Variants in MAPK4 observed in about 807,000 individuals in gnomAD.
The protein encoded by MAPK4 is Erk3-related.
A neutral mutation model predicts 47.7 loss-of-function variants in MAPK4; 22 were observed. The observed-to-expected ratio is 0.46, with a 90% confidence interval of 0.33 to 0.66. MAPK4 has a LOEUF of 0.66. Ranked by LOEUF, MAPK4 falls within the 30% of genes least tolerant of loss-of-function variation. The probability of loss-of-function intolerance (pLI) is 0.02; values close to 1 mark genes in which losing one functional copy is unlikely to be tolerated. For missense variants in MAPK4, 736 were observed against 831.7 expected, an observed-to-expected ratio of 0.88 and a Z score of 1.42; for synonymous variants, 390 against 365.7, an observed-to-expected ratio of 1.07 and a Z score of -0.76.
At chr18:50,639,864 A>T (rs554069519) in intron 1 of MAPK4, among the ~76,000 whole-genome samples, 1 of 152,238 alleles carries the variant, frequency 6.6e-6, no homozygotes. Flanking sequence ...TGGGACAGGC[A>T]TCTATCTTGA....
intron 4 of MAPK4, among the ~76,000 whole-genome samples, chr18:50,725,759 C>G (rs974446595): frequency 6.6e-6 from 1 of 152,220 alleles, no homozygotes; most frequent in African/African-American, 2.4e-5. Flanking sequence ...CTGTTTAATT[C>G]ATTTACAAAA....
chr18:50,662,637 A>G (rs951070616), intron 1 of MAPK4, among the ~76,000 whole-genome samples: 1 of 152,258 alleles, frequency 6.6e-6, no homozygotes, highest in African/African-American at 2.4e-5. Context: ...AGACATTTGT[A>G]AAAGAAGGAA....
At position 50,672,525 on chromosome 18, in the gene MAPK4, C is replaced by T. The variant is rs939387476; in HGVS notation, c.546+8021C>T. Among the ~76,000 whole-genome samples, 7 of 152,144 alleles carry T rather than the reference C, an allele frequency of 4.6e-5. No homozygotes were observed. In the East Asian group the frequency reaches 7.7e-4, roughly 17 times the overall value. On this transcript the variant is annotated intron_variant, in intron 2 of 5. Transcript: ENST00000400384. ...GTTCAGTGCCTCCCTGTCCCCTTCCCATGGCAGAAGAGGATCCCGAGAAGA... is the reference window on the plus strand; with the variant it reads ...GTTCAGTGCCTCCCTGTCCCCTTCCTATGGCAGAAGAGGATCCCGAGAAGA...
At chr18:50,590,877 A>G (rs564162451) in intron 1 of MAPK4, among the ~76,000 whole-genome samples, 1 of 152,206 alleles carries the variant, frequency 6.6e-6, no homozygotes, top group Non-Finnish European at 1.5e-5. Flanking sequence ...AGAGCTCAGC[A>G]TATCATAGGC....
At chr18:50,665,210 T>C (rs1210990644) in intron 2 of MAPK4, among the ~76,000 whole-genome samples, 2 of 152,164 alleles carry the variant, frequency 1.3e-5, no homozygotes, top group African/African-American at 4.8e-5. Context: ...TGGAGACAAA[T>C]GTCACACTGA....
intron 2 of MAPK4, among the ~76,000 whole-genome samples, chr18:50,700,608 C>G (rs977577116): frequency 2.0e-5 from 3 of 152,206 alleles, no homozygotes; most frequent in Non-Finnish European, 4.4e-5. Context: ...GTGAAGCAGG[C>G]AGACTTTATC....
chr18:50,567,730 TTGTG>T (rs10551391), intron 1 of MAPK4, among the ~76,000 whole-genome samples: 29 of 149,064 alleles, frequency 1.9e-4, no homozygotes, highest in East Asian at 1.4e-3. Flanking sequence ...TTATAGGACT[TTGTG>T]TGTGTGTGTG....
At position 50,729,440 on chromosome 18, in the gene MAPK4, C is replaced by G. The variant is rs867616899; in HGVS notation, c.1350C>G (p.His450Gln). ...TGTGGCGCGACAACAAGCCGCACCA[C>G]TACTCGGAGCCCAAGCTCATCCTGG... Reference protein sequence around the residue: ...KLLWRDNKPHHYSEPKLILDL... With the variant: ...KLLWRDNKPHQYSEPKLILDL... The change falls in exon 6 of 6, where the codon CAC (histidine) becomes CAG (glutamine). Residue 450 changes from histidine (H) to glutamine (Q), a missense_variant. His to Gln is a conservative substitution (Grantham distance 24, BLOSUM62 0). Transcript: ENST00000400384. 1.3e-6 allele frequency: 2 copies of G among 1,535,672 alleles called. No homozygotes were observed. Among genetic ancestry groups the G allele is most frequent in the African/African-American group, 2.7e-5 (2 of 73,496 alleles).
At chr18:50,637,023 C>T (rs575176858) in intron 1 of MAPK4, among the ~76,000 whole-genome samples, 1 of 150,816 alleles carries the variant, frequency 6.6e-6, no homozygotes, top group African/African-American at 2.4e-5. Flanking sequence ...TGCATCCAAA[C>T]CTCGGTTTCT....
At position 50,731,484 on chromosome 18, in the gene MAPK4, A is replaced by G. The variant is rs1392843199; in HGVS notation, c.*1630A>G. On this transcript the variant is annotated 3_prime_UTR_variant, in exon 6 of 6. Transcript: ENST00000400384. ...GCACCTTAAATCTAATCAGCAAACT[A>G]TAATTTGTACGTTGAAACCTGCAAC... 2 of 152,408 alleles carry G rather than the reference A, an allele frequency of 1.3e-5. No individual in the cohort carries two copies. The highest frequency in any genetic ancestry group is 2.9e-5 in the Non-Finnish European group (2 of 68,042). 9.4% of individuals were successfully genotyped at this position (152,408 alleles called of 1,614,324 possible). A position where few individuals can be genotyped will look rare whatever the true frequency, so the allele number is the denominator to read the frequency against.
intron 2 of MAPK4, among the ~76,000 whole-genome samples, chr18:50,676,707 G>A (rs764958416): frequency 2.0e-5 from 3 of 152,324 alleles, no homozygotes; most frequent in South Asian, 4.1e-4. Flanking sequence ...AGGCTAGGGT[G>A]TGCTTAGGTA....
intron 1 of MAPK4, among the ~76,000 whole-genome samples, chr18:50,572,736 A>G (rs1387860529): frequency 1.3e-5 from 2 of 152,188 alleles, no homozygotes; most frequent in Non-Finnish European, 2.9e-5. Context: ...CCCTTCGTTA[A>G]CCAACAAACA....
intron 1 of MAPK4, among the ~76,000 whole-genome samples, chr18:50,565,664 C>T (rs1023004401): frequency 1.3e-5 from 2 of 152,162 alleles, no homozygotes; most frequent in East Asian, 3.9e-4. Flanking sequence ...GATTATAATA[C>T]TGTATTTTTC....
chr18:50,701,364 G>A (rs1208448190), intron 2 of MAPK4, among the ~76,000 whole-genome samples: 1 of 152,162 alleles, frequency 6.6e-6, no homozygotes, highest in Non-Finnish European at 1.5e-5. Flanking sequence ...TATTCACAAA[G>A]CAAGTTATTT....
intron 2 of MAPK4, among the ~76,000 whole-genome samples, chr18:50,699,097 T>C (rs1430672784): frequency 6.6e-6 from 1 of 152,066 alleles, no homozygotes; most frequent in African/African-American, 2.4e-5. Flanking sequence ...GCAAAGTTGG[T>C]TTAACATTAG....
At chr18:50,593,031 T>C (rs1185237252) in intron 1 of MAPK4, among the ~76,000 whole-genome samples, 1 of 152,152 alleles carries the variant, frequency 6.6e-6, no homozygotes, top group Non-Finnish European at 1.5e-5. Context: ...ATTTTACAGA[T>C]GAAAAAATTG....
At chr18:50,676,863 A>G (rs942491577) in intron 2 of MAPK4, among the ~76,000 whole-genome samples, 3 of 152,256 alleles carry the variant, frequency 2.0e-5, no homozygotes, top group African/African-American at 4.8e-5. Flanking sequence ...TATGATCATA[A>G]GTTTAAAACA....
chr18:50,642,616 G>T (rs2042950600), intron 1 of MAPK4, among the ~76,000 whole-genome samples: 2 of 152,212 alleles, frequency 1.3e-5, no homozygotes, highest in East Asian at 1.9e-4. Context: ...AACCCCTGCA[G>T]GGTGTTAACC....
chr18:50,675,908 TG>T (rs2144297060), intron 2 of MAPK4, among the ~76,000 whole-genome samples: 1 of 152,358 alleles, frequency 6.6e-6, no homozygotes, highest in African/African-American at 2.4e-5. Flanking sequence ...ATTATAGGCA[TG>T]GCAGACCCTT....
Sources: gnomAD v4.1 joint callset for allele counts (sites outside exome capture counted in the v4.1 genomes callset) on GRCh38, gnomAD v4.1.1 for gene constraint, MANE v1.5 for transcripts, NCBI Gene and HGNC (gene_info 2026-07-23, HGNC 2026-07-21) for gene names.